Variants in TTC23 observed in about 807,000 individuals in gnomAD.
The protein encoded by TTC23 is tetratricopeptide repeat domain 23.
A neutral mutation model predicts 55.1 loss-of-function variants in TTC23; 58 were observed. The ratio of observed to expected loss-of-function variants is 1.05; its 90% CI spans 0.85 to 1.31. The LOEUF is 1.31. Ranked by LOEUF, TTC23 falls within the 50% of genes most tolerant of loss-of-function variation. TTC23 has a pLI of 0.00. For missense variants in TTC23, 516 were observed against 534.4 expected (o/e 0.97, Z 0.34); for synonymous variants, 203 against 199.9 (o/e 1.02, Z -0.13).
intron 9 of TTC23, among the ~76,000 whole-genome samples, chr15:99,187,029 A>T (rs933577273): frequency 6.6e-6 from 1 of 152,146 alleles, no homozygotes; most frequent in Non-Finnish European, 1.5e-5. Context: ...AAGAAGAACA[A>T]AAGTTAGAGA....
At chr15:99,150,514 C>A (rs2069567178) in intron 12 of TTC23, among the ~76,000 whole-genome samples, 1 of 152,144 alleles carries the variant, frequency 6.6e-6, no homozygotes, top group Non-Finnish European at 1.5e-5. Flanking sequence ...AGAGAGAAGA[C>A]AAATTTCCAC....
intron 4 of TTC23, among the ~76,000 whole-genome samples, chr15:99,230,446 A>C (rs749602133): frequency 1.4e-4 from 22 of 152,206 alleles, no homozygotes; most frequent in Admixed American, 6.5e-5. Flanking sequence ...TTGAAGAAAT[A>C]ATGGCCAATA....
intron 10 of TTC23, among the ~76,000 whole-genome samples, chr15:99,170,230 C>A (rs2072726521): frequency 6.6e-6 from 1 of 152,102 alleles, no homozygotes; most frequent in Admixed American, 6.6e-5. Flanking sequence ...ATAAGGAATA[C>A]AGGGAAGGCA....
chr15:99,177,626 T>C (rs541960739), intron 9 of TTC23, among the ~76,000 whole-genome samples: 1 of 152,346 alleles, frequency 6.6e-6, no homozygotes, highest in African/African-American at 2.4e-5. Flanking sequence ...GAGAGAACAA[T>C]CACTGTGTAA....
At chr15:99,182,248 TCA>T (rs56223763) in intron 9 of TTC23, among the ~76,000 whole-genome samples, 6,986 of 108,276 alleles carry the variant, frequency 0.065, 181 homozygotes, top group South Asian at 0.081. Context: ...TCTCTCTCTC[TCA>T]CACACACACA....
chr15:99,248,116 A>G (rs1198613077), intron 1 of TTC23: 3 of 152,170 alleles, frequency 2.0e-5, no homozygotes, highest in Non-Finnish European at 4.4e-5. Context: ...GACTACAAAG[A>G]AGTGCATCAA....
intron 8 of TTC23, 85 bp from the exon 9 acceptor site, chr15:99,200,181 C>T (rs952173800): frequency 1.6e-6 from 2 of 1,226,472 alleles, no homozygotes; most frequent in South Asian, 1.9e-5. Flanking sequence ...TGGGATGTGA[C>T]TCTTTGATCC....
At chr15:99,242,237 C>G (rs767428202) in intron 2 of TTC23, among the ~76,000 whole-genome samples, 1 of 150,496 alleles carries the variant, frequency 6.6e-6, no homozygotes, top group Admixed American at 6.6e-5. Flanking sequence ...TGTAAGCTAA[C>G]GCACTGGAAA....
At chr15:99,199,087 CA>C in intron 9 of TTC23, among the ~76,000 whole-genome samples, 1 of 152,238 alleles carries the variant, frequency 6.6e-6, no homozygotes, top group Admixed American at 6.5e-5. Context: ...TTAATATTCA[CA>C]ATCAACTGAT....
chr15:99,228,684 G>C lies in TTC23; in HGVS notation c.29C>G (p.Ser10Cys). The change falls in exon 5 of 14, where the codon TCC (serine) becomes TGC (cysteine). Residue 10 changes from serine to cysteine, a missense_variant. Physicochemically the swap from Ser to Cys is moderately radical, Grantham distance 112. Coordinates refer to ENST00000394132, the MANE Select transcript of TTC23 (RefSeq NM_001288615.3). ...AGCAACAACTTCATCTAGGTGGTTG[G>C]ATATGTGGGTTTCCTGTGATTCTTG... is the stretch of plus-strand genomic sequence containing the variant. Reference protein sequence around the residue: MQESQETHISNHLDEVVAAV... With the variant: MQESQETHICNHLDEVVAAV... The C allele has an allele frequency of 6.2e-7, 1 of 1,608,662 alleles. No homozygotes were observed.
At chr15:99,169,155 GATGGATGCCAC>G (rs1396997399) in intron 10 of TTC23, among the ~76,000 whole-genome samples, 1 of 152,214 alleles carries the variant, frequency 6.6e-6, no homozygotes, top group Non-Finnish European at 1.5e-5. Flanking sequence ...ACAGAGCAGG[GATGGATGCCAC>G]ATGTGCTGCT....
intron 11 of TTC23, 108 bp from the exon 12 acceptor site, chr15:99,156,405 C>T: frequency 7.6e-7 from 1 of 1,309,784 alleles, no homozygotes; most frequent in Non-Finnish European, 1.1e-6. Flanking sequence ...ACGAGCTGAG[C>T]CTGTTCTCCT....
Position 99,197,308 on chromosome 15 carries a change from T to C in TTC23, c.759+2611A>G, listed in dbSNP as rs545563614. 3.9e-5 allele frequency among the ~76,000 whole-genome samples: 6 copies of C among 152,120 alleles called. No individual in the cohort carries two copies. The South Asian group carries it at 8.3e-4, about 21-fold the overall frequency. ...TAGTAGAGATGGGGTTTCACCATGTTAGCCAGGATGGTCTTGATCTCCTGA... is the reference window on the plus strand; with the variant it reads ...TAGTAGAGATGGGGTTTCACCATGTCAGCCAGGATGGTCTTGATCTCCTGA... On this transcript the variant is annotated intron_variant, in intron 9 of 13. Coordinates refer to ENST00000394132, the MANE Select transcript of TTC23 (RefSeq NM_001288615.3).
rs556363534 is a variant in TTC23 at position 99,156,397 on chromosome 15, G to A, written c.994-100C>T. 601 of 1,389,484 alleles carry A rather than the reference G, an allele frequency of 4.3e-4. 2 individuals carry two copies. In the African/African-American group the frequency reaches 7.7e-3, roughly 18 times the overall value. The allele number at this position is 1,389,484 out of a possible 1,614,324, so 86.1% of individuals were successfully genotyped here. A position where few individuals can be genotyped will look rare whatever the true frequency, so the allele number is the denominator to read the frequency against. On this transcript the variant is annotated intron_variant, in intron 11 of 13. Coordinates refer to ENST00000394132, the MANE Select transcript of TTC23 (RefSeq NM_001288615.3). ...TTTCACATGGGTGTGGTAGTCTCAC[G>A]AGCTGAGCCTGTTCTCCTCTTGTAT...
At chr15:99,248,672 G>A (rs2080469789) in intron 1 of TTC23, among the ~76,000 whole-genome samples, 1 of 152,164 alleles carries the variant, frequency 6.6e-6, no homozygotes, top group Non-Finnish European at 1.5e-5. Context: ...TAAATGTTCT[G>A]AGCCTCATTT....
Position 99,221,828 on chromosome 15 carries a change from C to T in TTC23, c.217G>A (p.Ala73Thr), listed in dbSNP as rs775812843. 3.1e-6 allele frequency: 5 copies of T among 1,614,070 alleles called. No homozygotes were observed. The highest frequency in any genetic ancestry group is 1.3e-5 in the African/African-American group (1 of 74,928). ...QAVHELVRCV[A>T]LTRICYGDSH... Reference sequence around the variant, plus strand: ...TCTCCATAGCAAATTCTTGTCAGTGCTACGCAACGCACAAGCTCATGGACG... The same window carrying T: ...TCTCCATAGCAAATTCTTGTCAGTGTTACGCAACGCACAAGCTCATGGACG... Residue 73 changes from alanine (A) to threonine (T), a missense_variant, in exon 6 of 14, where the codon GCA becomes ACA. By Grantham distance (58) the Ala-to-Thr change is moderately conservative. Transcript: ENST00000394132.
At chr15:99,193,073 ATACCTG>A (rs2075377234) in intron 9 of TTC23, among the ~76,000 whole-genome samples, 1 of 152,156 alleles carries the variant, frequency 6.6e-6, no homozygotes, top group South Asian at 2.1e-4. Flanking sequence ...CACTTACCTA[ATACCTG>A]TACCCACTTT....
chr15:99,236,986 T>TC (rs1051559203), intron 3 of TTC23, among the ~76,000 whole-genome samples: 1 of 151,734 alleles, frequency 6.6e-6, no homozygotes, highest in African/African-American at 2.4e-5. Flanking sequence ...TCCTAAGTTT[T>TC]TTTTTTTTTT....
chr15:99,183,055 A>G (rs2074302477), intron 9 of TTC23, among the ~76,000 whole-genome samples: 1 of 152,240 alleles, frequency 6.6e-6, no homozygotes, highest in African/African-American at 2.4e-5. Flanking sequence ...TGGAGAACTC[A>G]GAAGACAGGA....
Sources: allele counts gnomAD v4.1 joint callset (sites outside exome capture counted in the v4.1 genomes callset), GRCh38; gene constraint gnomAD v4.1.1; transcripts MANE v1.5; gene names NCBI Gene and HGNC (gene_info 2026-07-23, HGNC 2026-07-21).